Variants in KDM2A observed in about 807,000 individuals in gnomAD.
KDM2A encodes lysine-specific demethylase 2A.
A neutral mutation model predicts 137.3 loss-of-function variants in KDM2A; 3 were observed. That is an observed-to-expected ratio of 0.02 (90% confidence interval 0.01 to 0.06). KDM2A has a LOEUF of 0.06. KDM2A is among the 10% of genes least tolerant of loss of function. The pLI, the probability that KDM2A is intolerant of heterozygous loss-of-function variation, is 1.00. For synonymous variants in KDM2A, 512 were observed against 541.5 expected (o/e 0.95, Z 0.76); for missense variants, 738 against 1,510.6 (o/e 0.49, Z 8.48).
intron 1 of KDM2A, among the ~76,000 whole-genome samples, chr11:67,120,363 TG>T (rs1855571926): frequency 6.6e-6 from 1 of 152,184 alleles, no homozygotes; most frequent in Non-Finnish European, 1.5e-5. Flanking sequence ...TTTGAAAGGA[TG>T]CTGTTAACGT....
At chr11:67,204,133 G>C (rs185576399) in intron 5 of KDM2A, among the ~76,000 whole-genome samples, 11 of 152,066 alleles carry the variant, frequency 7.2e-5, no homozygotes, top group Admixed American at 6.6e-4. Context: ...GCATTTACTT[G>C]TTATTTCTTA....
chr11:67,215,642 GA>G (rs1455695760), intron 7 of KDM2A, 196 bp downstream of exon 7: 3 of 588,882 alleles, frequency 5.1e-6, no homozygotes, highest in African/African-American at 2.0e-5. Flanking sequence ...ACAGTTAAAG[GA>G]AAAAAAACTT....
intron 17 of KDM2A, among the ~76,000 whole-genome samples, chr11:67,251,943 C>T (rs1218744268): frequency 2.0e-5 from 3 of 152,182 alleles, no homozygotes; most frequent in Non-Finnish European, 4.4e-5. Context: ...ACATCAGATT[C>T]CCGTTATGTG....
chr11:67,160,957 T>A (rs1039679998), intron 2 of KDM2A, among the ~76,000 whole-genome samples: 2 of 152,126 alleles, frequency 1.3e-5, no homozygotes, highest in South Asian at 4.2e-4. Flanking sequence ...AAATAAATAA[T>A]TAATGAACAA....
rs909568886 is a variant in KDM2A at position 67,119,270 on chromosome 11, A to T, written c.-863A>T. On this transcript the variant is annotated 5_prime_UTR_variant, in exon 1 of 21. Transcript: ENST00000529006. ...CTCGGAGGAGCTGTGTGTATGTGAG[A>T]GTCTGACGGGTTCAAAATGGCGGCG... The T allele has an allele frequency of 6.5e-6, 1 of 154,346 alleles. No individual in the cohort carries two copies. Among genetic ancestry groups the T allele is most frequent in the Admixed American group, 6.6e-5 (1 of 15,238 alleles). 9.6% of individuals were successfully genotyped at this position (154,346 alleles called of 1,614,324 possible).
intron 5 of KDM2A, among the ~76,000 whole-genome samples, chr11:67,201,684 C>G (rs1294899043): frequency 7.0e-6 from 1 of 141,970 alleles, no homozygotes; most frequent in Non-Finnish European, 1.5e-5. Context: ...AGGAGAATCA[C>G]TTGAACCTGG....
intron 10 of KDM2A, among the ~76,000 whole-genome samples, chr11:67,221,787 A>C (rs1858357479): frequency 6.6e-6 from 1 of 152,016 alleles, no homozygotes; most frequent in Non-Finnish European, 1.5e-5. Flanking sequence ...CTGGGCAACA[A>C]AGCCGGGTGT....
At chr11:67,188,205 G>A (rs1053040850) in intron 5 of KDM2A, among the ~76,000 whole-genome samples, 2 of 151,646 alleles carry the variant, frequency 1.3e-5, no homozygotes, top group South Asian at 2.1e-4. Context: ...GAGGCTGGGC[G>A]CAGTGACTCA....
intron 2 of KDM2A, among the ~76,000 whole-genome samples, chr11:67,154,946 T>G (rs1856480333): frequency 6.6e-6 from 1 of 152,248 alleles, no homozygotes. Context: ...TGTTTCTACC[T>G]TTTAGCTACT....
chr11:67,145,691 C>G (rs1327204324), intron 2 of KDM2A, among the ~76,000 whole-genome samples: 2 of 151,944 alleles, frequency 1.3e-5, no homozygotes, highest in Non-Finnish European at 2.9e-5. Context: ...CATATTCTCC[C>G]TTTCTCTTTT....
chr11:67,232,702 TTTAA>T (rs1251717115), intron 12 of KDM2A, among the ~76,000 whole-genome samples: 3 of 151,480 alleles, frequency 2.0e-5, no homozygotes, highest in African/African-American at 4.8e-5. Context: ...TTTTTTTAAT[TTTAA>T]TTAATTAATT....
At position 67,257,401 on chromosome 11, in the gene KDM2A, G is replaced by T. The variant is rs548186707; in HGVS notation, c.*2346G>T. 2.0e-5 allele frequency: 3 copies of T among 152,548 alleles called. No individual in the cohort carries two copies. The highest frequency in any genetic ancestry group is 4.4e-5 in the Non-Finnish European group (3 of 68,028). The allele number at this position is 152,548 out of a possible 1,614,324, so 9.4% of individuals were successfully genotyped here. A position where few individuals can be genotyped will look rare whatever the true frequency, so the allele number is the denominator to read the frequency against. Reference sequence around the variant, plus strand: ...AAATGGTTTTTAGAGGTGAGGGTTGGTCCATGTGGAGGAAAGAAGTGTCTC... The same window carrying T: ...AAATGGTTTTTAGAGGTGAGGGTTGTTCCATGTGGAGGAAAGAAGTGTCTC... On this transcript the variant is annotated 3_prime_UTR_variant, in exon 21 of 21. Transcript: ENST00000529006.
intron 6 of KDM2A, among the ~76,000 whole-genome samples, chr11:67,208,289 C>G (rs1240416084): frequency 2.0e-5 from 3 of 151,272 alleles, no homozygotes; most frequent in Non-Finnish European, 2.9e-5. Flanking sequence ...TCCAGGCTGA[C>G]CTTGAACTGC....
Position 67,231,964 on chromosome 11 carries a change from A to AG in KDM2A, c.1479+7dup. On this transcript the variant is annotated splice_donor_region_variant and intron_variant, in intron 12 of 20. Coordinates refer to ENST00000529006, the MANE Select transcript of KDM2A (RefSeq NM_012308.3). ...TGCTCTCATTGCTGATGTAAAGGTAAGGGTTTGATGTGTTACATGACAGCT... is the reference window on the plus strand; with the variant it reads ...TGCTCTCATTGCTGATGTAAAGGTAAGGGGTTTGATGTGTTACATGACAGCT... 6.2e-7 allele frequency: 1 copy of AG among 1,607,160 alleles called. No homozygotes were observed. Among genetic ancestry groups the AG allele is most frequent in the Non-Finnish European group, 8.5e-7 (1 of 1,176,784 alleles).
chr11:67,176,969 TAAA>T (rs1259338415), intron 2 of KDM2A, among the ~76,000 whole-genome samples: 1 of 152,000 alleles, frequency 6.6e-6, no homozygotes, highest in Non-Finnish European at 1.5e-5. Flanking sequence ...TTTTCAATAA[TAAA>T]CTAGGCTGGG....
chr11:67,211,613 CAAAAAAA>C (rs377116306), intron 6 of KDM2A, among the ~76,000 whole-genome samples: 53 of 50,258 alleles, frequency 1.1e-3, no homozygotes, highest in Non-Finnish European at 1.2e-3. Flanking sequence ...GACCCTGTCT[CAAAAAAA>C]AAAAAAAAAA....
chr11:67,179,329 A>G (rs574213446), intron 2 of KDM2A, among the ~76,000 whole-genome samples: 1 of 152,260 alleles, frequency 6.6e-6, no homozygotes, highest in Non-Finnish European at 1.5e-5. Flanking sequence ...GCTGGAATGC[A>G]ATGGCACGAT....
Position 67,187,548 on chromosome 11 carries a change from TTTTATTTATTTATTTA to T in KDM2A, c.307+5684_307+5699del, listed in dbSNP as rs138753050. On this transcript the variant is annotated intron_variant, in intron 5 of 20. Coordinates refer to ENST00000529006, the MANE Select transcript of KDM2A (RefSeq NM_012308.3). Reference sequence around the variant, plus strand: ...GACATTTATTAATTTATTTAATTGATTTTATTTATTTATTTATTTATTTATTTATTTATTTATTTAT... The same window carrying T: ...GACATTTATTAATTTATTTAATTGATTTTATTTATTTATTTATTTATTTAT... 3.7e-3 allele frequency among the ~76,000 whole-genome samples: 544 copies of T among 147,554 alleles called. 5 individuals are homozygous for T. The highest frequency in any genetic ancestry group is 7.5e-3 in the African/African-American group (293 of 39,244).
intron 16 of KDM2A, 121 bp from the exon 17 acceptor site, chr11:67,249,965 C>A: frequency 3.1e-6 from 2 of 642,548 alleles, no homozygotes; most frequent in Non-Finnish European, 4.5e-6. Flanking sequence ...GGAATGACCC[C>A]CTCTCCAACG....
Sources: gnomAD v4.1 joint callset for allele counts (sites outside exome capture counted in the v4.1 genomes callset) on GRCh38, gnomAD v4.1.1 for gene constraint, MANE v1.5 for transcripts, NCBI Gene and HGNC (gene_info 2026-07-23, HGNC 2026-07-21) for gene names.